Variants in RSRC1 observed in about 807,000 individuals in gnomAD.
RSRC1 encodes arginine and serine rich coiled-coil 1.
In RSRC1, 39 loss-of-function variants were observed where a neutral mutation model predicts 49.1. The ratio of observed to expected loss-of-function variants is 0.79; its 90% confidence interval spans 0.61 to 1.04. The LOEUF is 1.04. RSRC1 is among the 50% of genes least tolerant of loss of function. The pLI is 0.00. For synonymous variants in RSRC1, 143 were observed against 130.8 expected (o/e 1.09, Z -0.63); for missense variants, 388 against 402.4 (o/e 0.96, Z 0.31).
chr3:158,122,470 T>C (rs1246318926), intron 2 of RSRC1, among the ~76,000 whole-genome samples, 172 bp downstream of exon 2: 3 of 152,132 alleles, frequency 2.0e-5, no homozygotes, highest in African/African-American at 7.2e-5. Context: ...GTGGGTCTAG[T>C]GTCCTCAACC....
At chr3:158,338,844 A>G (rs1224093569) in intron 5 of RSRC1, among the ~76,000 whole-genome samples, 1 of 152,208 alleles carries the variant, frequency 6.6e-6, no homozygotes, top group African/African-American at 2.4e-5. Flanking sequence ...CAGCTTTGCC[A>G]TTTAAGGTAA....
chr3:158,125,651 G>A (rs531114080), intron 3 of RSRC1, among the ~76,000 whole-genome samples: 111 of 152,220 alleles, frequency 7.3e-4, no homozygotes, highest in African/African-American at 2.4e-3. Flanking sequence ...GAAATCTGTC[G>A]TGGAGAATGT....
At chr3:158,171,953 T>TCAACAACAACAA (rs374799867) in intron 3 of RSRC1, among the ~76,000 whole-genome samples, 2 of 151,032 alleles carry the variant, frequency 1.3e-5, no homozygotes, top group African/African-American at 4.9e-5. Context: ...CTGTGTCGCT[T>TCAACAACAACAA]CAACAACAAC....
intron 6 of RSRC1, among the ~76,000 whole-genome samples, chr3:158,410,523 T>C (rs1021314837): frequency 6.6e-6 from 1 of 152,196 alleles, no homozygotes; most frequent in Non-Finnish European, 1.5e-5. Flanking sequence ...CTCACGACTT[T>C]TATGGTAAAA....
intron 4 of RSRC1, among the ~76,000 whole-genome samples, chr3:158,214,385 T>G (rs1317852928): frequency 4.6e-5 from 7 of 151,840 alleles, no homozygotes; most frequent in Admixed American, 4.0e-4. Flanking sequence ...GAGGATTTTT[T>G]GGGGTTCATT....
chr3:158,360,213 C>G (rs191278852), intron 6 of RSRC1, among the ~76,000 whole-genome samples: 4 of 152,296 alleles, frequency 2.6e-5, no homozygotes, highest in Admixed American at 2.6e-4. Context: ...CTGCAGCTCT[C>G]AGCAGAGAAG....
At chr3:158,494,707 T>G (rs555632983) in intron 7 of RSRC1, among the ~76,000 whole-genome samples, 1 of 152,334 alleles carries the variant, frequency 6.6e-6, no homozygotes, top group South Asian at 2.1e-4. Context: ...TTTAACTGTT[T>G]TAACTTTAAA....
At chr3:158,424,575 A>G (rs1735292064) in intron 6 of RSRC1, among the ~76,000 whole-genome samples, 1 of 151,016 alleles carries the variant, frequency 6.6e-6, no homozygotes, top group Non-Finnish European at 1.5e-5. Context: ...CTTTGGTATC[A>G]GGATGATGCT....
At chr3:158,540,692 T>A (rs1020496509) in intron 8 of RSRC1, among the ~76,000 whole-genome samples, 1 of 152,160 alleles carries the variant, frequency 6.6e-6, no homozygotes, top group Non-Finnish European at 1.5e-5. Flanking sequence ...TTCTTTAACT[T>A]TTATAGTAGC....
intron 4 of RSRC1, among the ~76,000 whole-genome samples, chr3:158,239,689 A>G (rs1425163552): frequency 2.0e-5 from 3 of 152,056 alleles, no homozygotes; most frequent in African/African-American, 7.2e-5. Flanking sequence ...AAACCTGCAT[A>G]TTGTGCACAT....
Position 158,220,266 on chromosome 3 carries a change from A to C in RSRC1, c.494+17021A>C, listed in dbSNP as rs992879848. On this transcript the variant is annotated intron_variant, in intron 4 of 9. Transcript: ENST00000611884. ...GGGAATGAGAAGGTAGTTAAGTGAAAGTAGAAAGGAACTTGAAATACTCAT... is the reference window on the plus strand; with the variant it reads ...GGGAATGAGAAGGTAGTTAAGTGAACGTAGAAAGGAACTTGAAATACTCAT... 2.2e-4 allele frequency among the ~76,000 whole-genome samples: 34 copies of C among 151,544 alleles called. 1 individual carries two copies. The highest frequency in any genetic ancestry group is 2.2e-3 in the Admixed American group (33 of 15,152).
chr3:158,473,633 G>A (rs548180841), intron 7 of RSRC1, among the ~76,000 whole-genome samples: 1 of 151,878 alleles, frequency 6.6e-6, no homozygotes, highest in Admixed American at 6.6e-5. Flanking sequence ...TGTACGTTGT[G>A]CACATGTACC....
chr3:158,415,554 A>G (rs1734698283), intron 6 of RSRC1, among the ~76,000 whole-genome samples: 1 of 152,000 alleles, frequency 6.6e-6, no homozygotes, highest in African/African-American at 2.4e-5. Context: ...TTAATATTGA[A>G]CATTAAATAA....
At chr3:158,451,456 G>A (rs985941478) in intron 6 of RSRC1, among the ~76,000 whole-genome samples, 2 of 152,092 alleles carry the variant, frequency 1.3e-5, no homozygotes, top group East Asian at 1.9e-4. Flanking sequence ...AGTTTGGGGG[G>A]TATCTGCAGA....
intron 6 of RSRC1, among the ~76,000 whole-genome samples, chr3:158,422,902 C>T (rs1182915880): frequency 1.1e-4 from 16 of 151,896 alleles, no homozygotes; most frequent in South Asian, 4.2e-4. Flanking sequence ...TCATGTCCTT[C>T]GCCCACTTTT....
At chr3:158,329,299 G>A (rs1023937959) in intron 5 of RSRC1, among the ~76,000 whole-genome samples, 2 of 152,188 alleles carry the variant, frequency 1.3e-5, no homozygotes, top group Non-Finnish European at 2.9e-5. Flanking sequence ...TTCCTTTGGA[G>A]GGGGAGAGGT....
At chr3:158,519,641 CGTAA>C (rs1265649004) in intron 7 of RSRC1, among the ~76,000 whole-genome samples, 7 of 151,962 alleles carry the variant, frequency 4.6e-5, no homozygotes, top group African/African-American at 1.2e-4. Flanking sequence ...TACCAGCCTT[CGTAA>C]GTAAGAGCAT....
rs898246587 is a variant in RSRC1 at position 158,364,819 on chromosome 3, TAATA to T, written c.583+9913_583+9916del. ...TTTTTTATTTACAGAATGGGAAAAA[TAATA>T]ATAATAATAATAATAATAATAATAA... On this transcript the variant is annotated intron_variant, in intron 6 of 9. Transcript: ENST00000611884. Among the ~76,000 whole-genome samples the T allele has an allele frequency of 1.8e-4, 20 of 113,988 alleles. No homozygotes were observed. The South Asian group carries it at 4.6e-3, about 26-fold the overall frequency. The allele number at this position is 113,988 out of a possible 152,430, so 74.8% of individuals were successfully genotyped here. A position where few individuals can be genotyped will look rare whatever the true frequency, so the allele number is the denominator to read the frequency against.
chr3:158,249,296 C>T lies in RSRC1; in HGVS notation c.494+46051C>T, dbSNP rs371664489. Among the ~76,000 whole-genome samples, 11 of 152,274 alleles carry T rather than the reference C, an allele frequency of 7.2e-5. No homozygotes were observed. The East Asian group carries it at 1.9e-3, about 27-fold the overall frequency. ...CCCTACCTCGCATCCACTCTCCCTC[C>T]CTCAGGCACCCACTTATTGTCACTG... is the stretch of plus-strand genomic sequence containing the variant. On this transcript the variant is annotated intron_variant, in intron 4 of 9. Transcript: ENST00000611884.
Sources: allele counts gnomAD v4.1 joint callset (sites outside exome capture counted in the v4.1 genomes callset), GRCh38; gene constraint gnomAD v4.1.1; transcripts MANE v1.5; gene names NCBI Gene and HGNC (gene_info 2026-07-23, HGNC 2026-07-21).